LRRC3B: variants seen among roughly 807,000 people sequenced by gnomAD.
The protein encoded by LRRC3B is leucine rich repeat containing 3B.
In LRRC3B, 2 loss-of-function variants were observed where a neutral mutation model predicts 12.8. That is an observed-to-expected ratio of 0.16 (90% CI 0.06 to 0.49). LRRC3B has a LOEUF of 0.49. Among genes scored for constraint, LRRC3B ranks in the 20% least tolerant of loss-of-function variants. The pLI is 0.96. For missense variants in LRRC3B, 189 were observed against 319.4 expected (o/e 0.59, Z 3.11); for synonymous variants, 132 against 122.0 (o/e 1.08, Z -0.54).
intron 1 of LRRC3B, among the ~76,000 whole-genome samples, chr3:26,669,260 T>C (rs1157299327): frequency 6.6e-6 from 1 of 152,154 alleles, no homozygotes; most frequent in East Asian, 1.9e-4. Context: ...TGCAGAGCTA[T>C]TGCTGTTTCC....
At chr3:26,708,763 T>C (rs1396311368) in intron 1 of LRRC3B, among the ~76,000 whole-genome samples, 1 of 152,186 alleles carries the variant, frequency 6.6e-6, no homozygotes, top group African/African-American at 2.4e-5. Context: ...TCAAAGACAG[T>C]ATTTCTTAAT....
intron 1 of LRRC3B, among the ~76,000 whole-genome samples, chr3:26,658,657 A>G (rs1475697719): frequency 6.6e-6 from 1 of 152,252 alleles, no homozygotes; most frequent in East Asian, 1.9e-4. Flanking sequence ...AAAGAGTAAT[A>G]ACCAGGCTGC....
intron 1 of LRRC3B, among the ~76,000 whole-genome samples, chr3:26,656,360 G>T (rs560721007): frequency 6.6e-6 from 1 of 152,266 alleles, no homozygotes; most frequent in Admixed American, 6.5e-5. Flanking sequence ...GGTAAAGTGG[G>T]AGGGGAAGGT....
intron 1 of LRRC3B, among the ~76,000 whole-genome samples, chr3:26,706,788 C>T (rs1700600149): frequency 6.6e-6 from 1 of 152,146 alleles, no homozygotes; most frequent in Non-Finnish European, 1.5e-5. Flanking sequence ...GGAGCCTGAA[C>T]ATATATGACT....
At chr3:26,684,602 C>T (rs1057091300) in intron 1 of LRRC3B, among the ~76,000 whole-genome samples, 1 of 152,162 alleles carries the variant, frequency 6.6e-6, no homozygotes, top group Non-Finnish European at 1.5e-5. Context: ...CTTGCTGCAC[C>T]ACCACATGGC....
intron 1 of LRRC3B, among the ~76,000 whole-genome samples, chr3:26,697,513 G>A (rs1348282882): frequency 6.6e-6 from 1 of 152,080 alleles, no homozygotes; most frequent in East Asian, 1.9e-4. Context: ...AATCTCATCT[G>A]CAAAGATTCT....
chr3:26,633,628 C>T (rs558927423), intron 1 of LRRC3B, among the ~76,000 whole-genome samples: 20 of 152,168 alleles, frequency 1.3e-4, no homozygotes, highest in African/African-American at 4.1e-4. Context: ...ACATTTGAAC[C>T]GAATCCTGGA....
At chr3:26,657,068 A>G (rs1364656348) in intron 1 of LRRC3B, among the ~76,000 whole-genome samples, 3 of 152,230 alleles carry the variant, frequency 2.0e-5, no homozygotes, top group Non-Finnish European at 4.4e-5. Context: ...ACTCAGTAGC[A>G]TATGATACAG....
intron 1 of LRRC3B, among the ~76,000 whole-genome samples, chr3:26,655,828 T>C (rs1699362006): frequency 6.6e-6 from 1 of 152,168 alleles, no homozygotes; most frequent in Non-Finnish European, 1.5e-5. Context: ...GGCCAAGGTC[T>C]GTGCCAAGCA....
chr3:26,641,490 G>T (rs1699030275), intron 1 of LRRC3B, among the ~76,000 whole-genome samples: 1 of 152,148 alleles, frequency 6.6e-6, no homozygotes, highest in African/African-American at 2.4e-5. Flanking sequence ...AACCTCGACT[G>T]GATTCCCACA....
At chr3:26,672,939 C>T (rs1223880919) in intron 1 of LRRC3B, among the ~76,000 whole-genome samples, 6 of 152,132 alleles carry the variant, frequency 3.9e-5, no homozygotes, top group Admixed American at 3.9e-4. Context: ...AACAGCACTT[C>T]TCCTTCAAAA....
At chr3:26,701,708 G>A (rs1206419321) in intron 1 of LRRC3B, among the ~76,000 whole-genome samples, 2 of 152,012 alleles carry the variant, frequency 1.3e-5, no homozygotes, top group East Asian at 3.9e-4. Flanking sequence ...AAGACACTCT[G>A]CCTCCCAACT....
chr3:26,689,743 C>T (rs2125448133), intron 1 of LRRC3B, among the ~76,000 whole-genome samples: 1 of 152,304 alleles, frequency 6.6e-6, no homozygotes, highest in East Asian at 1.9e-4. Context: ...TTTAGCCATC[C>T]AGATCTTCAT....
intron 1 of LRRC3B, among the ~76,000 whole-genome samples, chr3:26,669,021 T>C (rs1476636975): frequency 1.3e-5 from 2 of 152,182 alleles, no homozygotes; most frequent in African/African-American, 4.8e-5. Context: ...CAAATTAATA[T>C]GTCATGTACA....
chr3:26,685,517 C>CTATA (rs1218331867), intron 1 of LRRC3B, among the ~76,000 whole-genome samples: 2 of 53,526 alleles, frequency 3.7e-5, no homozygotes, highest in Non-Finnish European at 6.9e-5. Flanking sequence ...CTCTCTCTCT[C>CTATA]TCTCTCTATA....
intron 1 of LRRC3B, among the ~76,000 whole-genome samples, chr3:26,631,761 T>A (rs1177096543): frequency 6.6e-6 from 1 of 151,280 alleles, no homozygotes; most frequent in Non-Finnish European, 1.5e-5. Context: ...CCAGGCAACC[T>A]AGTTCTAGTT....
chr3:26,694,068 G>A (rs1267196584), intron 1 of LRRC3B, among the ~76,000 whole-genome samples: 1 of 152,144 alleles, frequency 6.6e-6, no homozygotes, highest in Non-Finnish European at 1.5e-5. Context: ...TATGCAACTT[G>A]ACAGTGATCA....
chr3:26,701,236 AAG>A (rs1360425756), intron 1 of LRRC3B: 1 of 152,126 alleles, frequency 6.6e-6, no homozygotes, highest in East Asian at 1.9e-4. Context: ...CTCAAAGGGA[AAG>A]AGGATTTAGT....
intron 1 of LRRC3B, among the ~76,000 whole-genome samples, chr3:26,664,713 G>A (rs1699563517): frequency 6.6e-6 from 1 of 152,008 alleles, no homozygotes; most frequent in African/African-American, 2.4e-5. Flanking sequence ...GTTCTGTGGT[G>A]GAGTTCTAGG....
Sources: gnomAD v4.1 joint callset for allele counts (sites outside exome capture counted in the v4.1 genomes callset) on GRCh38, gnomAD v4.1.1 for gene constraint, MANE v1.5 for transcripts, NCBI Gene and HGNC (gene_info 2026-07-23, HGNC 2026-07-21) for gene names.